AGPAT4: variants seen among roughly 807,000 people sequenced by gnomAD.
AGPAT4 encodes 1-acyl-sn-glycerol-3-phosphate acyltransferase delta.
AGPAT4 carries 15 observed loss-of-function variants against 48.0 expected under a neutral mutation model. The ratio of observed to expected loss-of-function variants is 0.31; its 90% CI spans 0.21 to 0.48. The LOEUF (loss-of-function observed/expected upper bound fraction) is 0.48, where lower values mean the gene tolerates loss of function less well. Among genes scored for constraint, AGPAT4 ranks in the 20% least tolerant of loss-of-function variants. The probability of loss-of-function intolerance (pLI) is 0.99; values close to 1 mark genes in which losing one functional copy is unlikely to be tolerated. For missense variants in AGPAT4, 314 were observed against 482.5 expected (o/e 0.65, Z 3.27); for synonymous variants, 178 against 198.7 (o/e 0.90, Z 0.88).
At chr6:161,175,437 G>A (rs570499574) in intron 2 of AGPAT4, among the ~76,000 whole-genome samples, 2 of 152,182 alleles carry the variant, frequency 1.3e-5, no homozygotes, top group Non-Finnish European at 2.9e-5. Flanking sequence ...TATTTGCATA[G>A]AGGTGTTTAT....
Position 161,143,298 on chromosome 6 carries a change from C to A in AGPAT4, c.843+3226G>T, listed in dbSNP as rs1779315093. On this transcript the variant is annotated intron_variant, in intron 7 of 8. Coordinates refer to ENST00000320285, the MANE Select transcript of AGPAT4 (RefSeq NM_020133.3). The surrounding 1 kb of genome is among the most constrained non-coding windows in gnomAD (Gnocchi z 4.7). ...TTATGTTGCCCAGACTGGTCTCAAA[C>A]CCCTGGCCTCAAGTGATCCTCCAGC... 6.6e-6 allele frequency among the ~76,000 whole-genome samples: 1 copy of A among 152,170 alleles called. No individual in the cohort carries two copies. Among genetic ancestry groups the A allele is most frequent in the African/African-American group, 2.4e-5 (1 of 41,442 alleles).
intron 1 of AGPAT4, among the ~76,000 whole-genome samples, chr6:161,248,505 T>C (rs1209112381): frequency 7.7e-6 from 1 of 130,460 alleles, no homozygotes; most frequent in Non-Finnish European, 1.5e-5. Flanking sequence ...ACCTGGGAGG[T>C]GGAGCTTGCA....
intron 2 of AGPAT4, among the ~76,000 whole-genome samples, chr6:161,186,203 C>T (rs1399994827): frequency 1.3e-5 from 2 of 152,254 alleles, no homozygotes; most frequent in African/African-American, 4.8e-5. Flanking sequence ...CTCCTGATGG[C>T]TAACCTGGAA....
chr6:161,268,590 C>G (rs1783332916), intron 1 of AGPAT4, among the ~76,000 whole-genome samples: 1 of 152,126 alleles, frequency 6.6e-6, no homozygotes, highest in South Asian at 2.1e-4. Context: ...CAGAAATGAC[C>G]ATGAAGTAGT....
At chr6:161,192,054 T>C (rs1421207111) in intron 2 of AGPAT4, among the ~76,000 whole-genome samples, 1 of 150,308 alleles carries the variant, frequency 6.7e-6, no homozygotes, top group African/African-American at 2.5e-5. Context: ...TTTTTTTGTC[T>C]CATGTTTCCA....
At position 161,254,694 on chromosome 6, in the gene AGPAT4, A is replaced by G. The variant is rs1462719244; in HGVS notation, c.-90+19244T>C. ...AAGCAGCATGGGTTAGCAAATCCTT[A>G]GATTTACTGAGGCTACTTACAACTT... On this transcript the variant is annotated intron_variant, in intron 1 of 8. Transcript: ENST00000320285. The surrounding 1 kb of genome is among the most constrained non-coding windows in gnomAD (Gnocchi z 5.9). Among the ~76,000 whole-genome samples, 1 of 152,242 alleles carries G rather than the reference A, an allele frequency of 6.6e-6. No homozygotes were observed. The highest frequency in any genetic ancestry group is 2.4e-5 in the African/African-American group (1 of 41,462).
In AGPAT4 at chr6:161,218,345, A is replaced by G. The variant is rs1781712814; in HGVS notation, c.178+13691T>C. Among the ~76,000 whole-genome samples, 1 of 152,234 alleles carries G rather than the reference A, an allele frequency of 6.6e-6. No individual in the cohort carries two copies. Among genetic ancestry groups the G allele is most frequent in the Non-Finnish European group, 1.5e-5 (1 of 68,024 alleles). On this transcript the variant is annotated intron_variant, in intron 2 of 8. Transcript: ENST00000320285. This position sits in a 1 kb window ranked among gnomAD's most constrained non-coding sequence, Gnocchi z 4.7. ...GCTATCTATATGAAATCAATGAAGAAGAAGTTGGGAAGAGATTACCAAATT... is the reference window on the plus strand; with the variant it reads ...GCTATCTATATGAAATCAATGAAGAGGAAGTTGGGAAGAGATTACCAAATT...
rs1323801348 is a variant in AGPAT4 at position 161,137,044 on chromosome 6, G to A, written c.1043-410C>T. Among the ~76,000 whole-genome samples the A allele has an allele frequency of 1.3e-5, 2 of 152,230 alleles. No individual in the cohort carries two copies. The highest frequency in any genetic ancestry group is 1.3e-4 in the Admixed American group (2 of 15,286). Reference sequence around the variant, plus strand: ...AGAACAGACCAGGAGCCTGGAAGACGCAAGAGCTCGAGTATCGAGTGCCCA... The same window carrying A: ...AGAACAGACCAGGAGCCTGGAAGACACAAGAGCTCGAGTATCGAGTGCCCA... On this transcript the variant is annotated intron_variant, in intron 8 of 8. Transcript: ENST00000320285. The surrounding 1 kb of genome is among the most constrained non-coding windows in gnomAD (Gnocchi z 6.1).
In AGPAT4 at chr6:161,184,541, C is replaced by A. The variant is rs1173424750; in HGVS notation, c.179-18124G>T. ...TAGGTTCTCGTGATGTTCTGTGTAG[C>A]CCTGGCCTCCCCTGGCCCTGCCCCG... On this transcript the variant is annotated intron_variant, in intron 2 of 8. Transcript: ENST00000320285. The surrounding 1 kb of genome is among the most constrained non-coding windows in gnomAD (Gnocchi z 4.8). Among the ~76,000 whole-genome samples, 1 of 151,948 alleles carries A rather than the reference C, an allele frequency of 6.6e-6. No homozygotes were observed. Among genetic ancestry groups the A allele is most frequent in the African/African-American group, 2.4e-5 (1 of 41,330 alleles).
chr6:161,178,831 G>C lies in AGPAT4; in HGVS notation c.179-12414C>G, dbSNP rs1160569130. On this transcript the variant is annotated intron_variant, in intron 2 of 8. Transcript: ENST00000320285. This position sits in a 1 kb window ranked among gnomAD's most constrained non-coding sequence, Gnocchi z 5.1. ...TTGCAGATGTTGTTTTGACTGTGCT[G>C]CTCTCTGAGGGCTCAGTGAATGCCA... Among the ~76,000 whole-genome samples, 1 of 152,184 alleles carries C rather than the reference G, an allele frequency of 6.6e-6. No individual in the cohort carries two copies. Among genetic ancestry groups the C allele is most frequent in the Non-Finnish European group, 1.5e-5 (1 of 68,030 alleles).
rs1778869664 is a variant in AGPAT4 at position 161,130,625 on chromosome 6, T to A, written c.*5915A>T. On this transcript the variant is annotated 3_prime_UTR_variant, in exon 9 of 9. Coordinates refer to ENST00000320285, the MANE Select transcript of AGPAT4 (RefSeq NM_020133.3). ...CACCCTTGCCCATGGTTAGATCTCT[T>A]TCCTTGATAGAACAAGCAAAAGAGG... is the stretch of plus-strand genomic sequence containing the variant. 1 of 268,500 alleles carries A rather than the reference T, an allele frequency of 3.7e-6. No individual in the cohort carries two copies. Among genetic ancestry groups the A allele is most frequent in the Non-Finnish European group, 7.7e-6 (1 of 130,552 alleles). 16.6% of individuals were successfully genotyped at this position (268,500 alleles called of 1,614,324 possible). A position where few individuals can be genotyped will look rare whatever the true frequency, so the allele number is the denominator to read the frequency against.
chr6:161,273,131 C>T (rs752106751), intron 1 of AGPAT4, among the ~76,000 whole-genome samples: 8 of 152,134 alleles, frequency 5.3e-5, no homozygotes, highest in Non-Finnish European at 1.2e-4. Flanking sequence ...CTTAGCTTGA[C>T]CACAGGATCA....
chr6:161,235,582 G>T lies in AGPAT4; in HGVS notation c.-89-3280C>A, dbSNP rs1782251485. On this transcript the variant is annotated intron_variant, in intron 1 of 8. Coordinates refer to ENST00000320285, the MANE Select transcript of AGPAT4 (RefSeq NM_020133.3). The surrounding 1 kb of genome is among the most constrained non-coding windows in gnomAD (Gnocchi z 6.2). ...GACTGGACAATTTATAAAGAAAAGA[G>T]GTTTAATTGGCTCATGGTTCTGCAG... Among the ~76,000 whole-genome samples, 1 of 152,176 alleles carries T rather than the reference G, an allele frequency of 6.6e-6. No homozygotes were observed. Among genetic ancestry groups the T allele is most frequent in the South Asian group, 2.1e-4 (1 of 4,824 alleles).
At position 161,137,211 on chromosome 6, in the gene AGPAT4, CA is replaced by C. The variant is rs1779095221; in HGVS notation, c.1043-578del. Among the ~76,000 whole-genome samples, 1 of 152,320 alleles carries C rather than the reference CA, an allele frequency of 6.6e-6. No individual in the cohort carries two copies. Among genetic ancestry groups the C allele is most frequent in the East Asian group, 1.9e-4 (1 of 5,182 alleles). ...CAGTTTAATATAGGAAGCTGGAAAG[CA>C]GGGCCTAATGCTCAGAAGTTGCAAT... On this transcript the variant is annotated intron_variant, in intron 8 of 8. Coordinates refer to ENST00000320285, the MANE Select transcript of AGPAT4 (RefSeq NM_020133.3). The surrounding 1 kb of genome is among the most constrained non-coding windows in gnomAD (Gnocchi z 6.1).
At chr6:161,153,623 C>G in intron 4 of AGPAT4, 124 bp from the exon 5 acceptor site, 1 of 1,208,934 alleles carries the variant, frequency 8.3e-7, no homozygotes, top group Non-Finnish European at 1.2e-6. Flanking sequence ...ACACAGGGCC[C>G]CATGGTTACA....
chr6:161,178,699 T>C lies in AGPAT4; in HGVS notation c.179-12282A>G, dbSNP rs1780498154. On this transcript the variant is annotated intron_variant, in intron 2 of 8. Transcript: ENST00000320285. This position sits in a 1 kb window ranked among gnomAD's most constrained non-coding sequence, Gnocchi z 5.1. ...TTGGAAGTGCAGAAATCACCCATCT[T>C]CCGCATCACTCACACTGGGAGCTGT... Among the ~76,000 whole-genome samples, 2 of 152,188 alleles carry C rather than the reference T, an allele frequency of 1.3e-5. No individual in the cohort carries two copies. The highest frequency in any genetic ancestry group is 2.9e-5 in the Non-Finnish European group (2 of 68,030).
At position 161,200,932 on chromosome 6, in the gene AGPAT4, C is replaced by T. The variant is rs1781222229; in HGVS notation, c.178+31104G>A. On this transcript the variant is annotated intron_variant, in intron 2 of 8. Coordinates refer to ENST00000320285, the MANE Select transcript of AGPAT4 (RefSeq NM_020133.3). This position sits in a 1 kb window ranked among gnomAD's most constrained non-coding sequence, Gnocchi z 5.5. The stretch of plus-strand genomic sequence containing the variant: ...TGCATTTTGGCTGGAGCTAAAACAA[C>T]ACATTTCAGCCTGGGGTCACTGCAA... Among the ~76,000 whole-genome samples, 1 of 152,200 alleles carries T rather than the reference C, an allele frequency of 6.6e-6. No homozygotes were observed. The highest frequency in any genetic ancestry group is 2.1e-4 in the South Asian group (1 of 4,830).
intron 1 of AGPAT4, among the ~76,000 whole-genome samples, chr6:161,248,371 G>A (rs1782718961): frequency 2.0e-5 from 3 of 151,998 alleles, no homozygotes; most frequent in African/African-American, 2.4e-5. Context: ...TCAGGAGATC[G>A]AGACCATACT....
At chr6:161,170,429 T>C (rs910753430) in intron 2 of AGPAT4, among the ~76,000 whole-genome samples, 2 of 151,716 alleles carry the variant, frequency 1.3e-5, no homozygotes, top group African/African-American at 4.8e-5. Context: ...TATAGTTTTT[T>C]CCCCTAGGCA....
Sources: allele counts gnomAD v4.1 joint callset (sites outside exome capture counted in the v4.1 genomes callset), GRCh38; gene constraint gnomAD v4.1.1; non-coding constraint Gnocchi (gnomAD v3.1); transcripts MANE v1.5; gene names NCBI Gene and HGNC (gene_info 2026-07-23, HGNC 2026-07-21).